GRM5: variants seen among roughly 807,000 people sequenced by gnomAD.
The protein encoded by GRM5 is metabotropic glutamate receptor 5.
A neutral mutation model predicts 83.1 loss-of-function variants in GRM5; 19 were observed. That is an observed-to-expected ratio of 0.23 (90% CI 0.16 to 0.34). The LOEUF (loss-of-function observed/expected upper bound fraction) is 0.34. GRM5 is among the 10% of genes least tolerant of loss of function. The pLI, the probability that GRM5 is intolerant of heterozygous loss-of-function variation, is 1.00. For missense variants in GRM5, 1,160 were observed against 1,588.3 expected, an observed-to-expected ratio of 0.73 and a Z score of 4.58; for synonymous variants, 675 against 633.6, an observed-to-expected ratio of 1.07 and a Z score of -0.98.
chr11:88,526,176 A>G (rs1941871364), intron 8 of GRM5, among the ~76,000 whole-genome samples: 1 of 152,128 alleles, frequency 6.6e-6, no homozygotes, highest in Non-Finnish European at 1.5e-5. Context: ...TTTGTATTAT[A>G]ATTGGCAGTT....
At chr11:88,728,093 GT>G (rs1183151814) in intron 3 of GRM5, among the ~76,000 whole-genome samples, 1 of 151,906 alleles carries the variant, frequency 6.6e-6, no homozygotes, top group Non-Finnish European at 1.5e-5. Context: ...CCAGGAGCTG[GT>G]TTTTTGAAAA....
At chr11:88,850,481 T>A (rs879870184) in intron 2 of GRM5, among the ~76,000 whole-genome samples, 49 of 152,116 alleles carry the variant, frequency 3.2e-4, no homozygotes, top group Non-Finnish European at 5.6e-4. Flanking sequence ...ATCTGCTATT[T>A]TTTTGCATTC....
chr11:88,716,278 G>A (rs1591461759), intron 3 of GRM5, among the ~76,000 whole-genome samples: 1 of 151,898 alleles, frequency 6.6e-6, no homozygotes, highest in Non-Finnish European at 1.5e-5. Flanking sequence ...AGTAGGCCAG[G>A]AAGGTTTAAA....
chr11:88,671,738 A>G (rs908066684), intron 3 of GRM5, among the ~76,000 whole-genome samples: 6 of 152,098 alleles, frequency 3.9e-5, no homozygotes, highest in African/African-American at 1.4e-4. Flanking sequence ...GAATATTGGA[A>G]GTTAAAACAT....
chr11:89,030,446 T>C (rs1186698538), intron 2 of GRM5, among the ~76,000 whole-genome samples: 1 of 152,072 alleles, frequency 6.6e-6, no homozygotes, highest in Non-Finnish European at 1.5e-5. Context: ...CCATGTGAGG[T>C]TGACTTTCTC....
intron 2 of GRM5, among the ~76,000 whole-genome samples, chr11:89,027,978 C>T (rs1018722489): frequency 4.6e-5 from 7 of 152,106 alleles, no homozygotes; most frequent in African/African-American, 1.2e-4. Context: ...CCCCCATTTG[C>T]CCTCTTTTCC....
intron 3 of GRM5, among the ~76,000 whole-genome samples, chr11:88,754,795 A>G (rs1406754531): frequency 6.6e-6 from 1 of 152,168 alleles, no homozygotes; most frequent in Admixed American, 6.6e-5. Flanking sequence ...GGGGAAACTC[A>G]AACTATAACT....
chr11:88,935,060 T>C (rs116445753), intron 2 of GRM5, among the ~76,000 whole-genome samples: 18 of 152,050 alleles, frequency 1.2e-4, no homozygotes, highest in African/African-American at 4.3e-4. Context: ...ATGAACACTA[T>C]AAATCTGCTA....
At chr11:88,756,995 A>T (rs1208817062) in intron 3 of GRM5, among the ~76,000 whole-genome samples, 3 of 152,164 alleles carry the variant, frequency 2.0e-5, no homozygotes, top group Non-Finnish European at 4.4e-5. Flanking sequence ...ATTAAAATCA[A>T]ACTTTTTAAA....
chr11:88,925,449 C>T (rs1945772952), intron 2 of GRM5, among the ~76,000 whole-genome samples: 1 of 152,144 alleles, frequency 6.6e-6, no homozygotes, highest in Non-Finnish European at 1.5e-5. Context: ...ATGTATTTCT[C>T]TCTGATATTT....
At chr11:88,722,571 A>G (rs1941572096) in intron 3 of GRM5, among the ~76,000 whole-genome samples, 1 of 152,144 alleles carries the variant, frequency 6.6e-6, no homozygotes, top group Non-Finnish European at 1.5e-5. Context: ...GGCACAATCA[A>G]TCTTTATATA....
chr11:88,546,059 T>C (rs1182294581), intron 8 of GRM5, among the ~76,000 whole-genome samples: 1 of 151,990 alleles, frequency 6.6e-6, no homozygotes, highest in Non-Finnish European at 1.5e-5. Context: ...AAGATCTTTT[T>C]GGTTGTTGCT....
intron 2 of GRM5, among the ~76,000 whole-genome samples, chr11:88,859,879 TC>T (rs1442036525): frequency 6.6e-6 from 1 of 152,164 alleles, no homozygotes; most frequent in Admixed American, 6.6e-5. Flanking sequence ...AATGATTCAG[TC>T]CCCATGTTGC....
chr11:88,935,230 G>A (rs1937852387), intron 2 of GRM5, among the ~76,000 whole-genome samples: 1 of 151,890 alleles, frequency 6.6e-6, no homozygotes, highest in Admixed American at 6.6e-5. Context: ...AAGCAATTGT[G>A]TTGGCTGTCA....
intron 2 of GRM5, among the ~76,000 whole-genome samples, chr11:88,903,423 T>C (rs1300569134): frequency 3.3e-5 from 5 of 152,190 alleles, no homozygotes; most frequent in African/African-American, 9.7e-5. Flanking sequence ...AAGAATTCAT[T>C]ATACCACAAA....
rs576196316 is a variant in GRM5 at position 88,828,145 on chromosome 11, T to C, written c.911+21761A>G. On this transcript the variant is annotated intron_variant, in intron 3 of 9. Transcript: ENST00000305447. ...AGAAGACCACTGTGGCTAAAGTGAA[T>C]TGGGACAGGGGAGGAGCAACAGGAC... Among the ~76,000 whole-genome samples the C allele has an allele frequency of 2.0e-5, 3 of 152,204 alleles. No homozygotes were observed. The South Asian group carries it at 6.2e-4, about 32-fold the overall frequency.
At chr11:88,908,763 A>G (rs1166827020) in intron 2 of GRM5, among the ~76,000 whole-genome samples, 2 of 152,130 alleles carry the variant, frequency 1.3e-5, no homozygotes, top group East Asian at 3.9e-4. Context: ...AATCCTTTTA[A>G]TATCTCAGTT....
chr11:88,801,249 G>A (rs1475568899), intron 3 of GRM5, among the ~76,000 whole-genome samples: 5 of 152,094 alleles, frequency 3.3e-5, no homozygotes, highest in Admixed American at 3.3e-4. Context: ...CTGAGAAGCT[G>A]GCCAAAGGAT....
At chr11:88,514,338 C>T (rs1196405615) in intron 9 of GRM5, among the ~76,000 whole-genome samples, 1 of 152,084 alleles carries the variant, frequency 6.6e-6, no homozygotes, top group Non-Finnish European at 1.5e-5. Flanking sequence ...GCCAAAATGA[C>T]ACTTTCTATC....
Sources: allele counts gnomAD v4.1 joint callset (sites outside exome capture counted in the v4.1 genomes callset), GRCh38; gene constraint gnomAD v4.1.1; transcripts MANE v1.5; gene names NCBI Gene and HGNC (gene_info 2026-07-23, HGNC 2026-07-21).